The following NIBAN2 variants were observed in gnomAD, a reference collection of about 807,000 sequenced individuals.
The protein encoded by NIBAN2 is niban apoptosis regulator 2, also known as protein Niban 2.
A neutral mutation model predicts 81.8 loss-of-function variants in NIBAN2; 36 were observed. The observed-to-expected ratio is 0.44, with a 90% confidence interval of 0.34 to 0.58. The LOEUF (loss-of-function observed/expected upper bound fraction) is 0.58. Among genes scored for constraint, NIBAN2 ranks in the 20% least tolerant of loss-of-function variants. The probability of loss-of-function intolerance (pLI) is 0.02; values close to 1 mark genes in which losing one functional copy is unlikely to be tolerated. For synonymous variants in NIBAN2, 445 were observed against 441.6 expected, an observed-to-expected ratio of 1.01 and a Z score of -0.10; for missense variants, 897 against 1,014.1, an observed-to-expected ratio of 0.88 and a Z score of 1.57.
chr9:127,526,281 T>A (rs1837061114), intron 3 of NIBAN2, among the ~76,000 whole-genome samples: 1 of 150,950 alleles, frequency 6.6e-6, no homozygotes, highest in Admixed American at 6.6e-5. Context: ...ACGCCTGTAG[T>A]CCCAGCTACT....
At position 127,569,073 on chromosome 9, in the gene NIBAN2, T is replaced by C. The variant is rs1290387002; in HGVS notation, c.-199A>G. ...GCCCCGTCCCTCCAGCCGGCCGCCT[T>C]GGCCCCCTCCCTGCCCTCGGCCCTG... is the stretch of plus-strand genomic sequence containing the variant. On this transcript the variant is annotated 5_prime_UTR_variant, in exon 1 of 14. Transcript: ENST00000373312. 5.7e-6 allele frequency: 6 copies of C among 1,060,454 alleles called. No individual in the cohort carries two copies. The highest frequency in any genetic ancestry group is 5.6e-5 in the Admixed American group (1 of 17,980). 65.7% of individuals were successfully genotyped at this position (1,060,454 alleles called of 1,614,324 possible).
rs959608550 is a variant in NIBAN2 at position 127,559,867 on chromosome 9, A to G, written c.55+8953T>C. Among the ~76,000 whole-genome samples, 1 of 152,164 alleles carries G rather than the reference A, an allele frequency of 6.6e-6. No individual in the cohort carries two copies. Among genetic ancestry groups the G allele is most frequent in the Non-Finnish European group, 1.5e-5 (1 of 68,034 alleles). ...CCTATGTGAACCACATAGAACGGTA[A>G]CAGTGGATGAACCAGGAGCCGATGC... On this transcript the variant is annotated intron_variant, in intron 1 of 13. Coordinates refer to ENST00000373312, the MANE Select transcript of NIBAN2 (RefSeq NM_022833.4). This position sits in a 1 kb window ranked among gnomAD's most constrained non-coding sequence, Gnocchi z 4.0.
intron 1 of NIBAN2, among the ~76,000 whole-genome samples, chr9:127,544,343 G>A (rs1012894514): frequency 6.6e-6 from 1 of 152,116 alleles, no homozygotes; most frequent in African/African-American, 2.4e-5. Flanking sequence ...TCTGTAAAAT[G>A]GGTATAATGT....
intron 8 of NIBAN2, among the ~76,000 whole-genome samples, chr9:127,513,723 T>C (rs1002897524): frequency 5.3e-5 from 8 of 152,160 alleles, no homozygotes; most frequent in Admixed American, 2.6e-4. Context: ...GAAATAACCA[T>C]AAAAATGGGC....
rs1174161794 is a variant in NIBAN2, at chr9:127,506,782, G to A, written c.*63C>T. On this transcript the variant is annotated 3_prime_UTR_variant, in exon 14 of 14. Transcript: ENST00000373312. ...AGACCAGGGTGCCCTCCCCAGAGCT[G>A]AGCCTGCCTGGGTCCGGAAGGGAAC... 4 of 1,466,820 alleles carry A rather than the reference G, an allele frequency of 2.7e-6. No homozygotes were observed. Among genetic ancestry groups the A allele is most frequent in the African/African-American group, 2.8e-5 (2 of 71,186 alleles). 90.9% of individuals were successfully genotyped at this position (1,466,820 alleles called of 1,614,324 possible).
chr9:127,532,482 G>C (rs560799159), intron 1 of NIBAN2, among the ~76,000 whole-genome samples: 9 of 152,250 alleles, frequency 5.9e-5, no homozygotes, highest in Admixed American at 5.2e-4. Flanking sequence ...TGTAAGGCCA[G>C]CTACTCAGGA....
chr9:127,537,180 C>A (rs1243206486), intron 1 of NIBAN2, among the ~76,000 whole-genome samples: 1 of 152,178 alleles, frequency 6.6e-6, no homozygotes, highest in African/African-American at 2.4e-5. Context: ...GGACCAGAGT[C>A]CCCGCCCTGC....
intron 1 of NIBAN2, among the ~76,000 whole-genome samples, chr9:127,575,541 T>TG (rs1026358211): frequency 6.7e-5 from 10 of 148,896 alleles, no homozygotes; most frequent in African/African-American, 2.2e-4. Context: ...TTTTTTTTTT[T>TG]TCTTTTGAGA....
intron 1 of NIBAN2, among the ~76,000 whole-genome samples, chr9:127,565,811 G>T (rs1837848068): frequency 2.1e-5 from 3 of 144,410 alleles, no homozygotes; most frequent in South Asian, 4.5e-4. Context: ...AAAGATGTTA[G>T]TTCATGGGCG....
chr9:127,572,668 C>T (rs1256345271), upstream of NIBAN2, among the ~76,000 whole-genome samples: 1 of 152,002 alleles, frequency 6.6e-6, no homozygotes, highest in Non-Finnish European at 1.5e-5. Context: ...ACTTTTCTGC[C>T]TCCTACTGTC....
chr9:127,569,951 C>T (rs779931465), upstream of NIBAN2, among the ~76,000 whole-genome samples: 1 of 152,152 alleles, frequency 6.6e-6, no homozygotes, highest in East Asian at 1.9e-4. Flanking sequence ...ATGGGTGGGT[C>T]GCAGTGCCAG....
upstream of NIBAN2, among the ~76,000 whole-genome samples, chr9:127,569,481 T>G (rs1295152856): frequency 6.6e-6 from 1 of 151,120 alleles, no homozygotes; most frequent in Non-Finnish European, 1.5e-5. Context: ...CCAGCCTGAG[T>G]GTCACCCCCC....
chr9:127,519,386 G>A (rs892381551), intron 5 of NIBAN2, among the ~76,000 whole-genome samples: 2 of 152,074 alleles, frequency 1.3e-5, no homozygotes, highest in Non-Finnish European at 2.9e-5. Context: ...GTAAGAAGGT[G>A]GTCAAACGCC....
intron 8 of NIBAN2, among the ~76,000 whole-genome samples, chr9:127,514,197 A>C (rs976918109): frequency 1.4e-5 from 2 of 146,768 alleles, no homozygotes; most frequent in African/African-American, 5.0e-5. Context: ...TGAGCCTGGG[A>C]GGCAGGGGTT....
Position 127,545,362 on chromosome 9 carries a change from C to A in NIBAN2, c.56-13584G>T, listed in dbSNP as rs549131694. Among the ~76,000 whole-genome samples, 9 of 152,330 alleles carry A rather than the reference C, an allele frequency of 5.9e-5. No homozygotes were observed. Among genetic ancestry groups the A allele is most frequent in the South Asian group, 2.1e-4 (1 of 4,826 alleles). On this transcript the variant is annotated intron_variant, in intron 1 of 13. Coordinates refer to ENST00000373312, the MANE Select transcript of NIBAN2 (RefSeq NM_022833.4). This position sits in a 1 kb window ranked among gnomAD's most constrained non-coding sequence, Gnocchi z 4.7. ...GTTAATGCCTCATCTGAGACGCTCC[C>A]CGGACTGAGACTGCTCTCCGCTGTC... is the stretch of plus-strand genomic sequence containing the variant.
At chr9:127,544,255 G>A (rs1476622647) in intron 1 of NIBAN2, among the ~76,000 whole-genome samples, 5 of 152,122 alleles carry the variant, frequency 3.3e-5, no homozygotes, top group African/African-American at 9.7e-5. Flanking sequence ...TCACAGAGAC[G>A]GGTATTTCTG....
At chr9:127,567,125 A>C (rs895802118) in intron 1 of NIBAN2, among the ~76,000 whole-genome samples, 1 of 152,096 alleles carries the variant, frequency 6.6e-6, no homozygotes, top group Non-Finnish European at 1.5e-5. Flanking sequence ...GTAACATGCC[A>C]GGGGAGAGAG....
intron 1 of NIBAN2, among the ~76,000 whole-genome samples, chr9:127,544,513 T>A (rs1837436667): frequency 6.6e-6 from 1 of 152,190 alleles, no homozygotes. Context: ...TTAATTAATT[T>A]TTTTTTTGAG....
intron 1 of NIBAN2, among the ~76,000 whole-genome samples, chr9:127,543,894 G>A (rs908262278): frequency 2.6e-5 from 4 of 152,238 alleles, no homozygotes; most frequent in Non-Finnish European, 4.4e-5. Context: ...GCCAGGCACA[G>A]AGGCAGATCC....
Sources: allele counts gnomAD v4.1 joint callset (sites outside exome capture counted in the v4.1 genomes callset), GRCh38; gene constraint gnomAD v4.1.1; non-coding constraint Gnocchi (gnomAD v3.1); transcripts MANE v1.5; gene names NCBI Gene and HGNC (gene_info 2026-07-23, HGNC 2026-07-21).